The following NPAS3 variants were observed in gnomAD, a reference collection of about 807,000 sequenced individuals.
The protein encoded by NPAS3 is neuronal PAS domain-containing protein 3.
In NPAS3, 14 loss-of-function variants were observed where a neutral mutation model predicts 73.1. That is an observed-to-expected ratio of 0.19 (90% CI 0.13 to 0.30). The LOEUF (loss-of-function observed/expected upper bound fraction) is 0.30, where lower values mean the gene tolerates loss of function less well. NPAS3 is among the 10% of genes least tolerant of loss of function. The pLI is 1.00. For missense variants in NPAS3, 1,096 were observed against 1,250.0 expected, an observed-to-expected ratio of 0.88 and a Z score of 1.86; for synonymous variants, 620 against 541.5, an observed-to-expected ratio of 1.14 and a Z score of -2.01.
At chr14:33,112,797 T>C (rs1156605240) in intron 2 of NPAS3, among the ~76,000 whole-genome samples, 1 of 152,220 alleles carries the variant, frequency 6.6e-6, no homozygotes, top group African/African-American at 2.4e-5. Flanking sequence ...TTTATGGTTT[T>C]AGGGCTAACA....
intron 2 of NPAS3, among the ~76,000 whole-genome samples, chr14:33,112,233 A>G (rs1258754235): frequency 2.0e-5 from 3 of 152,210 alleles, no homozygotes; most frequent in Non-Finnish European, 4.4e-5. Flanking sequence ...TAGATCCTTC[A>G]GGAATTGCCA....
chr14:33,528,505 G>T (rs2053902122), intron 4 of NPAS3, among the ~76,000 whole-genome samples: 4 of 151,962 alleles, frequency 2.6e-5, no homozygotes, highest in Admixed American at 2.6e-4. Context: ...GGAGGGAGTG[G>T]TCGTCCTAAT....
intron 4 of NPAS3, among the ~76,000 whole-genome samples, chr14:33,558,331 G>A (rs4982096): frequency 6.6e-6 from 1 of 151,870 alleles, no homozygotes; most frequent in East Asian, 2.0e-4. Context: ...CGTGATCTTG[G>A]CTTACTGCAA....
chr14:33,084,563 C>T (rs1336217206), intron 2 of NPAS3, among the ~76,000 whole-genome samples: 1 of 152,122 alleles, frequency 6.6e-6, no homozygotes, highest in East Asian at 1.9e-4. Context: ...AGGTGGCTAA[C>T]CCTTCCTCCT....
At chr14:33,689,095 C>T (rs144153266) in intron 6 of NPAS3, among the ~76,000 whole-genome samples, 7 of 152,278 alleles carry the variant, frequency 4.6e-5, no homozygotes, top group South Asian at 2.1e-4. Flanking sequence ...GGTACAAATA[C>T]GTAGTACGTA....
chr14:33,605,100 T>G (rs2057515223), intron 5 of NPAS3, among the ~76,000 whole-genome samples: 1 of 151,566 alleles, frequency 6.6e-6, no homozygotes, highest in Non-Finnish European at 1.5e-5. Flanking sequence ...ATCAATGAAA[T>G]AGAAACCAAT....
At chr14:33,272,345 T>G (rs1429476612) in intron 3 of NPAS3, among the ~76,000 whole-genome samples, 1 of 152,238 alleles carries the variant, frequency 6.6e-6, no homozygotes, top group Non-Finnish European at 1.5e-5. Flanking sequence ...GCTACAGATT[T>G]AGTTTCTGAA....
chr14:33,734,793 G>A (rs529226418), intron 6 of NPAS3, among the ~76,000 whole-genome samples: 5 of 152,204 alleles, frequency 3.3e-5, no homozygotes, highest in South Asian at 2.1e-4. Context: ...ATGGATTATC[G>A]GGGAGAACAA....
At chr14:33,803,570 T>A (rs1197137380), downstream of NPAS3, 1 of 152,186 alleles carries the variant, frequency 6.6e-6, no homozygotes, top group East Asian at 1.9e-4. Context: ...AATGCACCTA[T>A]CAGCTACAAA....
At chr14:33,371,066 A>G (rs1253832952) in intron 4 of NPAS3, among the ~76,000 whole-genome samples, 2 of 152,162 alleles carry the variant, frequency 1.3e-5, no homozygotes, top group Non-Finnish European at 2.9e-5. Context: ...GAGAGGGTTA[A>G]GGAGAGCCCA....
intron 1 of NPAS3, among the ~76,000 whole-genome samples, chr14:32,965,427 A>T (rs1334634114): frequency 6.6e-6 from 1 of 152,176 alleles, no homozygotes; most frequent in Non-Finnish European, 1.5e-5. Context: ...TAAATTTGAC[A>T]CATAACATTA....
At chr14:33,611,585 C>T (rs2057750602) in intron 5 of NPAS3, among the ~76,000 whole-genome samples, 2 of 152,136 alleles carry the variant, frequency 1.3e-5, no homozygotes, top group Admixed American at 1.3e-4. Context: ...AACACTACTG[C>T]CTCAAGGAGA....
chr14:33,254,138 G>T (rs1287717959), intron 3 of NPAS3, among the ~76,000 whole-genome samples: 1 of 152,038 alleles, frequency 6.6e-6, no homozygotes, highest in Non-Finnish European at 1.5e-5. Flanking sequence ...CTCGCATGCA[G>T]TCTCTCCTCT....
intron 7 of NPAS3, among the ~76,000 whole-genome samples, chr14:33,753,092 G>A (rs1367333604): frequency 1.3e-5 from 2 of 152,286 alleles, no homozygotes; most frequent in East Asian, 1.9e-4. Flanking sequence ...TCATTAGTGT[G>A]CTTCGAGAAG....
chr14:33,629,608 A>G (rs543985366), intron 5 of NPAS3, among the ~76,000 whole-genome samples: 6 of 151,264 alleles, frequency 4.0e-5, no homozygotes, highest in Middle Eastern at 3.4e-3. Context: ...CTAGACTCTC[A>G]TATATTCTCA....
chr14:33,446,489 A>G (rs1008160706), intron 4 of NPAS3, among the ~76,000 whole-genome samples: 3 of 152,174 alleles, frequency 2.0e-5, no homozygotes, highest in Admixed American at 2.0e-4. Flanking sequence ...CATGCTTTCT[A>G]ATAAGCAAGA....
chr14:33,560,117 G>T lies in NPAS3; in HGVS notation c.469-4G>T, dbSNP rs1389117008. The T allele has an allele frequency of 2.3e-6, 2 of 852,144 alleles. No homozygotes were observed. Among genetic ancestry groups the T allele is most frequent in the Admixed American group, 1.7e-5 (1 of 57,662 alleles). 52.8% of individuals were successfully genotyped at this position (852,144 alleles called of 1,614,324 possible). A position where few individuals can be genotyped will look rare whatever the true frequency, so the allele number is the denominator to read the frequency against. On this transcript the variant is annotated splice_polypyrimidine_tract_variant and splice_region_variant and intron_variant, in intron 4 of 11. Coordinates refer to ENST00000356141, the Ensembl canonical transcript of NPAS3. Reference sequence around the variant, plus strand: ...TATTTATATATTTATTCTTTTTCCTGCAGTCCCTGGATGGCTTTGTATTTG... The same window carrying T: ...TATTTATATATTTATTCTTTTTCCTTCAGTCCCTGGATGGCTTTGTATTTG...
chr14:33,251,553 G>A (rs907714429), intron 3 of NPAS3, among the ~76,000 whole-genome samples: 7 of 151,880 alleles, frequency 4.6e-5, no homozygotes, highest in Middle Eastern at 3.2e-3. Context: ...GTTCATCTGC[G>A]TCCTTAATCC....
In NPAS3 at chr14:33,546,033, G is replaced by A. The variant is rs913994293; in HGVS notation, c.469-14088G>A. The stretch of plus-strand genomic sequence containing the variant: ...TTCATTCCTCAATCCTCTTCTTCTG[G>A]GGGCTCCTGTTAAGGCCTTCTGACT... On this transcript the variant is annotated intron_variant, in intron 4 of 11. Coordinates refer to ENST00000356141, the Ensembl canonical transcript of NPAS3. Among the ~76,000 whole-genome samples, 7 of 152,184 alleles carry A rather than the reference G, an allele frequency of 4.6e-5. No individual in the cohort carries two copies. The South Asian group carries it at 6.2e-4, about 14-fold the overall frequency.
Sources: allele counts gnomAD v4.1 joint callset (sites outside exome capture counted in the v4.1 genomes callset), GRCh38; gene constraint gnomAD v4.1.1; transcripts MANE v1.5; gene names NCBI Gene and HGNC (gene_info 2026-07-23, HGNC 2026-07-21).